The following KCNIP1 variants were observed in gnomAD, a reference collection of about 807,000 sequenced individuals.
KCNIP1 encodes the protein A-type potassium channel modulatory protein KCNIP1.
A neutral mutation model predicts 33.0 loss-of-function variants in KCNIP1; 18 were observed. The ratio of observed to expected loss-of-function variants is 0.55; its 90% CI spans 0.38 to 0.81. The LOEUF (loss-of-function observed/expected upper bound fraction) is 0.81, where lower values mean the gene tolerates loss of function less well. Ranked by LOEUF, KCNIP1 falls within the 30% of genes least tolerant of loss-of-function variation. KCNIP1 has a pLI of 0.00. For synonymous variants in KCNIP1, 93 were observed against 98.3 expected, an observed-to-expected ratio of 0.95 and a Z score of 0.32; for missense variants, 238 against 271.6, an observed-to-expected ratio of 0.88 and a Z score of 0.87.
intron 1 of KCNIP1, among the ~76,000 whole-genome samples, chr5:170,688,593 C>T (rs532102114): frequency 5.3e-5 from 8 of 152,170 alleles, no homozygotes; most frequent in Non-Finnish European, 1.2e-4. Context: ...GGAGTTCCAA[C>T]TTGGGTTCAC....
At chr5:170,647,228 G>T (rs573124928) in intron 1 of KCNIP1, among the ~76,000 whole-genome samples, 3 of 152,034 alleles carry the variant, frequency 2.0e-5, no homozygotes, top group African/African-American at 4.8e-5. Context: ...AAAATTATTG[G>T]TTATTAGCAA....
At chr5:170,505,082 A>G (rs943262232) in intron 1 of KCNIP1, among the ~76,000 whole-genome samples, 4 of 152,180 alleles carry the variant, frequency 2.6e-5, no homozygotes, top group Non-Finnish European at 5.9e-5. Context: ...TTCATCAGGA[A>G]GAGTGCTCTG....
At chr5:170,473,533 G>T (rs1373133787) in intron 1 of KCNIP1, among the ~76,000 whole-genome samples, 2 of 152,104 alleles carry the variant, frequency 1.3e-5, no homozygotes, top group East Asian at 3.9e-4. Flanking sequence ...ATCAGGGAGG[G>T]GCCAGGAGTT....
intron 1 of KCNIP1, among the ~76,000 whole-genome samples, chr5:170,390,517 A>AAAAAAAAAAATAT: frequency 4.0e-5 from 3 of 74,546 alleles, no homozygotes; most frequent in African/African-American, 6.4e-5. Context: ...AAAAAAAACA[A>AAAAAAAAAAATAT]ATATATATAT....
At chr5:170,551,041 C>A (rs1431191054) in intron 1 of KCNIP1, among the ~76,000 whole-genome samples, 1 of 152,210 alleles carries the variant, frequency 6.6e-6, no homozygotes, top group Non-Finnish European at 1.5e-5. Context: ...CCAATGTAAG[C>A]TTCCTAAAGT....
At chr5:170,472,452 T>C (rs541274505) in intron 1 of KCNIP1, among the ~76,000 whole-genome samples, 1 of 152,326 alleles carries the variant, frequency 6.6e-6, no homozygotes, top group African/African-American at 2.4e-5. Context: ...TTCCATAGGT[T>C]ATTGGTGTAC....
At chr5:170,493,293 G>T (rs1413751220) in intron 1 of KCNIP1, among the ~76,000 whole-genome samples, 1 of 152,138 alleles carries the variant, frequency 6.6e-6, no homozygotes, top group African/African-American at 2.4e-5. Flanking sequence ...GGTATTCCAT[G>T]CCCTTCTTCC....
At chr5:170,558,721 C>G (rs1299265376) in intron 1 of KCNIP1, among the ~76,000 whole-genome samples, 2 of 152,284 alleles carry the variant, frequency 1.3e-5, no homozygotes, top group South Asian at 2.1e-4. Flanking sequence ...TTAATGGTCC[C>G]CCGGTCTATT....
intron 1 of KCNIP1, among the ~76,000 whole-genome samples, chr5:170,666,867 T>C (rs1275393861): frequency 6.6e-6 from 1 of 152,220 alleles, no homozygotes; most frequent in Non-Finnish European, 1.5e-5. Context: ...CCAGGGTGTG[T>C]CCTCCAGCAG....
At chr5:170,484,247 C>T (rs1188149120) in intron 1 of KCNIP1, 5 of 152,334 alleles carry the variant, frequency 3.3e-5, no homozygotes, top group Non-Finnish European at 7.3e-5. Flanking sequence ...TGCATTCTGC[C>T]TGGGATCCCA....
chr5:170,552,836 G>T (rs912219161), intron 1 of KCNIP1, among the ~76,000 whole-genome samples: 1 of 152,240 alleles, frequency 6.6e-6, no homozygotes, highest in Non-Finnish European at 1.5e-5. Flanking sequence ...AGGAGATAGC[G>T]TGGCCCAGAA....
At chr5:170,515,655 G>A (rs1177905570) in intron 1 of KCNIP1, among the ~76,000 whole-genome samples, 2 of 152,212 alleles carry the variant, frequency 1.3e-5, no homozygotes, top group Non-Finnish European at 1.5e-5. Flanking sequence ...GAAGACTAGA[G>A]GGCATAAGCA....
At chr5:170,673,061 C>T (rs1382585960) in intron 1 of KCNIP1, among the ~76,000 whole-genome samples, 1 of 152,218 alleles carries the variant, frequency 6.6e-6, no homozygotes, top group Non-Finnish European at 1.5e-5. Context: ...ATCTTGACAA[C>T]ATTTGTTTTA....
At chr5:170,450,222 C>T (rs1756216718) in intron 1 of KCNIP1, among the ~76,000 whole-genome samples, 6 of 151,562 alleles carry the variant, frequency 4.0e-5, no homozygotes, top group Admixed American at 2.0e-4. Context: ...CCCACAGCAC[C>T]AGCTTGTCAA....
At chr5:170,597,359 A>C (rs1561708236) in intron 1 of KCNIP1, among the ~76,000 whole-genome samples, 1 of 152,152 alleles carries the variant, frequency 6.6e-6, no homozygotes, top group Non-Finnish European at 1.5e-5. Context: ...AGGCTGAGTC[A>C]GTCATCCCAC....
At chr5:170,560,807 C>T (rs945048523) in intron 1 of KCNIP1, among the ~76,000 whole-genome samples, 2 of 152,064 alleles carry the variant, frequency 1.3e-5, no homozygotes, top group African/African-American at 4.8e-5. Flanking sequence ...CTGTCTCTCA[C>T]CTCCACCCTG....
intron 1 of KCNIP1, among the ~76,000 whole-genome samples, chr5:170,497,720 C>T (rs1225477968): frequency 6.6e-6 from 1 of 152,204 alleles, no homozygotes; most frequent in Non-Finnish European, 1.5e-5. Flanking sequence ...CCCATGAATT[C>T]CCTGGTCTCC....
At chr5:170,367,980 T>TGGA (rs1763740106) in intron 1 of KCNIP1, among the ~76,000 whole-genome samples, 1 of 152,226 alleles carries the variant, frequency 6.6e-6, no homozygotes, top group African/African-American at 2.4e-5. Flanking sequence ...TAAGTGTCAA[T>TGGA]GGAAAAAATT....
chr5:170,717,523 C>T (rs1302885082), intron 1 of KCNIP1, among the ~76,000 whole-genome samples: 3 of 152,098 alleles, frequency 2.0e-5, no homozygotes, highest in Non-Finnish European at 2.9e-5. Flanking sequence ...TACCAAGTTA[C>T]GGGAGCCTCA....
Sources: gnomAD v4.1 joint callset for allele counts (sites outside exome capture counted in the v4.1 genomes callset) on GRCh38, gnomAD v4.1.1 for gene constraint, MANE v1.5 for transcripts, NCBI Gene and HGNC (gene_info 2026-07-23, HGNC 2026-07-21) for gene names.